DLG2: variants seen among roughly 807,000 people sequenced by gnomAD.
DLG2 encodes the protein disks large homolog 2.
In DLG2, 45 loss-of-function variants were observed where a neutral mutation model predicts 132.5. That is an observed-to-expected ratio of 0.34 (90% confidence interval 0.27 to 0.44). The LOEUF is 0.44. DLG2 is among the 20% of genes least tolerant of loss of function. DLG2 has a pLI of 1.00. For synonymous variants in DLG2, 424 were observed against 419.6 expected, an observed-to-expected ratio of 1.01 and a Z score of -0.13; for missense variants, 1,045 against 1,196.9, an observed-to-expected ratio of 0.87 and a Z score of 1.87.
intron 15 of DLG2, among the ~76,000 whole-genome samples, chr11:83,927,156 A>G (rs188889574): frequency 6.6e-6 from 1 of 152,266 alleles, no homozygotes; most frequent in African/African-American, 2.4e-5. Flanking sequence ...GCTTGTTTGC[A>G]GATTTTATTT....
intron 15 of DLG2, among the ~76,000 whole-genome samples, chr11:83,909,038 G>A (rs2075576754): frequency 6.6e-6 from 1 of 152,146 alleles, no homozygotes; most frequent in Non-Finnish European, 1.5e-5. Flanking sequence ...ACCCTCATAT[G>A]CAGCTTTTTA....
intron 21 of DLG2, among the ~76,000 whole-genome samples, chr11:83,502,187 A>G (rs1336898651): frequency 6.6e-6 from 1 of 152,210 alleles, no homozygotes; most frequent in Non-Finnish European, 1.5e-5. Flanking sequence ...AATAGTGTTC[A>G]CAACTTATAC....
intron 6 of DLG2, among the ~76,000 whole-genome samples, chr11:84,606,171 G>C (rs2099585210): frequency 6.6e-6 from 1 of 151,900 alleles, no homozygotes; most frequent in South Asian, 2.1e-4. Context: ...ACACCTCAGA[G>C]TGCATTAAAA....
chr11:84,133,286 A>C (rs1233992193), intron 9 of DLG2, among the ~76,000 whole-genome samples: 1 of 152,058 alleles, frequency 6.6e-6, no homozygotes, highest in African/African-American at 2.4e-5. Context: ...CAGGGCAACC[A>C]GAGGAGGAAA....
intron 7 of DLG2, among the ~76,000 whole-genome samples, chr11:84,276,344 C>T (rs1047963074): frequency 3.3e-5 from 5 of 152,184 alleles, no homozygotes; most frequent in Non-Finnish European, 7.3e-5. Context: ...TTCCTGCCCA[C>T]TTTCATAAGT....
chr11:85,566,622 C>T (rs777477573), intron 3 of DLG2, among the ~76,000 whole-genome samples: 1 of 151,976 alleles, frequency 6.6e-6, no homozygotes, highest in Non-Finnish European at 1.5e-5. Context: ...AAGAGAGTTC[C>T]CATGGTCCCA....
intron 15 of DLG2, among the ~76,000 whole-genome samples, chr11:83,878,138 A>G (rs7127526): frequency 0.029 from 4,463 of 152,260 alleles, 156 homozygotes; most frequent in African/African-American, 0.081. Flanking sequence ...CTACATATCC[A>G]TAATAGCACC....
intron 6 of DLG2, among the ~76,000 whole-genome samples, chr11:84,885,105 A>G (rs1468870855): frequency 2.6e-5 from 4 of 152,082 alleles, no homozygotes; most frequent in African/African-American, 7.2e-5. Flanking sequence ...GTCATCTCAT[A>G]TCATCACAAG....
chr11:83,517,367 T>TC (rs2140263412), intron 21 of DLG2, among the ~76,000 whole-genome samples: 1 of 152,346 alleles, frequency 6.6e-6, no homozygotes, highest in African/African-American at 2.4e-5. Context: ...GGTTTTCAGC[T>TC]CCGTCAGGTC....
At chr11:84,675,013 T>C (rs1172715378) in intron 6 of DLG2, among the ~76,000 whole-genome samples, 3 of 152,134 alleles carry the variant, frequency 2.0e-5, no homozygotes, top group Non-Finnish European at 2.9e-5. Flanking sequence ...GAACTTTTCA[T>C]TGACTCCTAT....
intron 6 of DLG2, among the ~76,000 whole-genome samples, chr11:84,948,753 T>A (rs2050546901): frequency 6.6e-6 from 1 of 152,226 alleles, no homozygotes. Context: ...GTTCCCTGCA[T>A]GTCTGATTGA....
intron 3 of DLG2, among the ~76,000 whole-genome samples, chr11:85,325,372 G>C (rs1318681320): frequency 6.6e-6 from 1 of 150,546 alleles, no homozygotes; most frequent in Non-Finnish European, 1.5e-5. Context: ...AAGTGTCCCT[G>C]TCTGACAGCT....
chr11:84,484,787 G>A (rs1042354353), intron 7 of DLG2, among the ~76,000 whole-genome samples: 11 of 152,066 alleles, frequency 7.2e-5, no homozygotes, highest in African/African-American at 1.2e-4. Flanking sequence ...TTCAAGTCAC[G>A]TGGCTCTTTC....
At chr11:84,690,225 G>T (rs369361745) in intron 6 of DLG2, among the ~76,000 whole-genome samples, 2 of 151,842 alleles carry the variant, frequency 1.3e-5, no homozygotes, top group African/African-American at 2.4e-5. Context: ...GCACTACATG[G>T]TAGTCATAAT....
Position 85,554,725 on chromosome 11 carries a change from C to G in DLG2, c.40+43932G>C, listed in dbSNP as rs190543659. 1.3e-4 allele frequency among the ~76,000 whole-genome samples: 20 copies of G among 151,868 alleles called. 1 individual carries two copies. The highest frequency in any genetic ancestry group is 4.1e-4 in the African/African-American group (17 of 41,482). ...TAGACGCAGTTTGCCCTTCTATGAT[C>G]GTTTATTGCACCAGAGGTCACAAGA... is the stretch of plus-strand genomic sequence containing the variant. On this transcript the variant is annotated intron_variant, in intron 3 of 27. Coordinates refer to ENST00000376104, the MANE Select transcript of DLG2 (RefSeq NM_001142699.3).
At chr11:84,960,861 C>G (rs1453954918) in intron 6 of DLG2, among the ~76,000 whole-genome samples, 1 of 151,980 alleles carries the variant, frequency 6.6e-6, no homozygotes, top group East Asian at 1.9e-4. Flanking sequence ...AAAACAATTT[C>G]AAGTTTTTCA....
At chr11:85,182,239 G>A (rs2079765163) in intron 4 of DLG2, among the ~76,000 whole-genome samples, 1 of 151,854 alleles carries the variant, frequency 6.6e-6, no homozygotes, top group Non-Finnish European at 1.5e-5. Flanking sequence ...GCTTAGAGTA[G>A]TTAAGTAACT....
At chr11:85,292,624 C>T (rs1028008496) in intron 3 of DLG2, among the ~76,000 whole-genome samples, 1 of 14,460 alleles carries the variant, frequency 6.9e-5, no homozygotes, top group East Asian at 1.7e-3. Context: ...AAAGCACAAC[C>T]GAAGGAAGGA....
At chr11:83,684,695 T>A (rs1194038935) in intron 18 of DLG2, among the ~76,000 whole-genome samples, 1 of 152,134 alleles carries the variant, frequency 6.6e-6, no homozygotes, top group Non-Finnish European at 1.5e-5. Flanking sequence ...TATCCACTTA[T>A]TATCTGAAAT....
Sources: gnomAD v4.1 joint callset for allele counts (sites outside exome capture counted in the v4.1 genomes callset) on GRCh38, gnomAD v4.1.1 for gene constraint, MANE v1.5 for transcripts, NCBI Gene and HGNC (gene_info 2026-07-23, HGNC 2026-07-21) for gene names.